The following CFAP47 variants were observed in gnomAD, a reference collection of about 807,000 sequenced individuals.
The protein encoded by CFAP47 is cilia and flagella associated protein 47, also known as cilia- and flagella-associated protein 47.
In CFAP47, 29 loss-of-function variants were observed where a neutral mutation model predicts 148.1. The ratio of observed to expected loss-of-function variants is 0.20; its 90% CI spans 0.15 to 0.27. CFAP47 has a LOEUF of 0.27. CFAP47 is among the 10% of genes least tolerant of loss of function. The probability of loss-of-function intolerance (pLI) is 1.00; values close to 1 mark genes in which losing one functional copy is unlikely to be tolerated. For synonymous variants in CFAP47, 664 were observed against 577.3 expected (o/e 1.15, Z -2.15); for missense variants, 1,872 against 1,697.5 (o/e 1.10, Z -1.81).
intron 61 of CFAP47, among the ~76,000 whole-genome samples, chrX:36,364,088 T>G (rs1228920950): frequency 9.0e-6 from 1 of 111,649 alleles, no homozygotes; most frequent in Non-Finnish European, 1.9e-5. Context: ...CAAAGTTCTA[T>G]TTCAGAGTTT....
chrX:36,382,397 A>G (rs1420161770), intron 63 of CFAP47, among the ~76,000 whole-genome samples: 5 of 111,734 alleles, frequency 4.5e-5, no homozygotes, highest in Non-Finnish European at 9.4e-5. Flanking sequence ...GGGTTTCTGA[A>G]CAATCTTGAG....
intron 21 of CFAP47, among the ~76,000 whole-genome samples, chrX:36,004,036 G>A (rs753444735): frequency 3.5e-4 from 34 of 96,463 alleles, no homozygotes; most frequent in Middle Eastern, 0.011. Context: ...GCAGTGGTGC[G>A]ATCTCAGCTC....
At chrX:36,004,622 A>C (rs761646179) in intron 21 of CFAP47, among the ~76,000 whole-genome samples, 8 of 109,662 alleles carry the variant, frequency 7.3e-5, no homozygotes, top group Non-Finnish European at 1.3e-4. Context: ...AATAAACCAC[A>C]AAAATGTTAT....
At chrX:36,274,175 A>G (rs1323603906) in intron 49 of CFAP47, among the ~76,000 whole-genome samples, 1 of 112,194 alleles carries the variant, frequency 8.9e-6, no homozygotes, top group Non-Finnish European at 1.9e-5. Context: ...TTAAGGGATA[A>G]TAAAACATAA....
chrX:36,040,124 G>A (rs1255316942), intron 25 of CFAP47, among the ~76,000 whole-genome samples: 1 of 111,626 alleles, frequency 9.0e-6, no homozygotes, highest in Non-Finnish European at 1.9e-5. Flanking sequence ...AAGCACCAAA[G>A]TGAAATGATA....
intron 6 of CFAP47, 102 bp downstream of exon 6, chrX:35,952,065 C>G: frequency 2.3e-6 from 2 of 868,210 alleles, no homozygotes. Context: ...TAAAACTTGC[C>G]AGAAGGCACA....
At chrX:36,137,723 A>G (rs906552363) in intron 33 of CFAP47, among the ~76,000 whole-genome samples, 1 of 110,830 alleles carries the variant, frequency 9.0e-6, no homozygotes, top group Non-Finnish European at 1.9e-5. Flanking sequence ...GTATTTTTCA[A>G]AGCAGCTCAT....
At chrX:36,246,505 A>C (rs1284513153) in intron 48 of CFAP47, among the ~76,000 whole-genome samples, 1 of 111,823 alleles carries the variant, frequency 8.9e-6, no homozygotes, top group Non-Finnish European at 1.9e-5. Context: ...ACCTCTTCAC[A>C]GGGTGGTGGG....
chrX:36,383,613 T>C, intron 63 of CFAP47, among the ~76,000 whole-genome samples: 1 of 112,031 alleles, frequency 8.9e-6, no homozygotes, highest in Middle Eastern at 4.6e-3. Flanking sequence ...GACACACTGA[T>C]TCTGAATACA....
Position 35,940,045 on chromosome X carries a change from G to A in CFAP47, c.402-1238G>A, listed in dbSNP as rs752901865. ...TTGATTTGCATTTCTCTGATTGCCA[G>A]TGATGGTGAGCATTTTTTCATGTGT... On this transcript the variant is annotated intron_variant, in intron 2 of 63. Transcript: ENST00000378653. Among the ~76,000 whole-genome samples, 10 of 111,641 alleles carry A rather than the reference G, an allele frequency of 9.0e-5. No homozygotes were observed. The South Asian group carries it at 3.8e-3, about 42-fold the overall frequency.
chrX:36,339,293 C>A (rs1354804288), intron 57 of CFAP47, among the ~76,000 whole-genome samples: 1 of 110,758 alleles, frequency 9.0e-6, no homozygotes. Context: ...AGTAATTGAG[C>A]ACAGAATTAA....
At chrX:36,072,127 G>A (rs1176339008) in intron 28 of CFAP47, among the ~76,000 whole-genome samples, 156 bp downstream of exon 28, 1 of 111,939 alleles carries the variant, frequency 8.9e-6, no homozygotes, top group Non-Finnish European at 1.9e-5. Flanking sequence ...TCTGTTTGGA[G>A]AGTTGTCTTC....
At chrX:36,003,672 T>G (rs908851070) in intron 21 of CFAP47, among the ~76,000 whole-genome samples, 1 of 110,724 alleles carries the variant, frequency 9.0e-6, no homozygotes, top group Admixed American at 9.7e-5. Flanking sequence ...AACATCATAC[T>G]GAATGGGCAA....
intron 57 of CFAP47, among the ~76,000 whole-genome samples, chrX:36,323,119 A>T (rs2146968743): frequency 9.0e-6 from 1 of 111,311 alleles, no homozygotes; most frequent in South Asian, 3.7e-4. Flanking sequence ...CTTGGTGAAT[A>T]TTTGAGAACT....
At chrX:36,131,231 A>G (rs775714805) in intron 33 of CFAP47, among the ~76,000 whole-genome samples, 1 of 111,338 alleles carries the variant, frequency 9.0e-6, no homozygotes, top group African/African-American at 3.2e-5. Flanking sequence ...TGAATTTAAA[A>G]AATAAAGACT....
intron 58 of CFAP47, among the ~76,000 whole-genome samples, chrX:36,349,222 GA>G (rs1941722460): frequency 1.8e-5 from 2 of 111,392 alleles, no homozygotes; most frequent in Admixed American, 9.6e-5. Context: ...TCATTTTAAT[GA>G]AAAAAATCCC....
At chrX:36,004,508 T>A (rs1936958104) in intron 21 of CFAP47, among the ~76,000 whole-genome samples, 1 of 111,215 alleles carries the variant, frequency 9.0e-6, no homozygotes, top group South Asian at 3.7e-4. Flanking sequence ...ACAACCCAAA[T>A]GTCCATCACC....
intron 59 of CFAP47, among the ~76,000 whole-genome samples, chrX:36,350,708 C>T (rs905507963): frequency 1.3e-4 from 14 of 106,270 alleles, no homozygotes; most frequent in Admixed American, 2.1e-4. Context: ...TTTTTTGCCT[C>T]GGCATACCCT....
At chrX:36,009,276 A>G in intron 21 of CFAP47, among the ~76,000 whole-genome samples, 1 of 110,885 alleles carries the variant, frequency 9.0e-6, no homozygotes, top group South Asian at 3.7e-4. Flanking sequence ...ATAATAGCCT[A>G]AAATAATAGT....
Sources: allele counts gnomAD v4.1 joint callset (sites outside exome capture counted in the v4.1 genomes callset), GRCh38; gene constraint gnomAD v4.1.1; transcripts MANE v1.5; gene names NCBI Gene and HGNC (gene_info 2026-07-23, HGNC 2026-07-21).